The following WDHD1 variants were observed in gnomAD, a reference collection of about 807,000 sequenced individuals.
WDHD1 encodes the protein WD repeat and HMG-box DNA-binding protein 1.
Under a neutral mutation model 135.4 loss-of-function variants are expected in WDHD1, and 111 were observed. The observed-to-expected ratio is 0.82, with a 90% CI of 0.70 to 0.96. The LOEUF (loss-of-function observed/expected upper bound fraction) is 0.96. WDHD1 is among the 40% of genes least tolerant of loss of function. WDHD1 has a pLI of 0.00. For synonymous variants in WDHD1, 434 were observed against 439.0 expected (o/e 0.99, Z 0.14); for missense variants, 1,351 against 1,336.3 (o/e 1.01, Z -0.17).
In WDHD1 at chr14:54,969,102, G is replaced by A. The variant is rs930662866; in HGVS notation, c.2064-1708C>T. 6.6e-5 allele frequency among the ~76,000 whole-genome samples: 10 copies of A among 152,126 alleles called. No homozygotes were observed. In the South Asian group the frequency reaches 1.0e-3, roughly 16 times the overall value. On this transcript the variant is annotated intron_variant, in intron 16 of 25. Coordinates refer to ENST00000360586, the MANE Select transcript of WDHD1 (RefSeq NM_007086.4). ...TGCCCAGGCTGGAGTGCAGTGGCAC[G>A]ATCTCGGCTCACTGCAAGCTCCGCC...
At chr14:54,985,732 T>TTTAGAATGTGTTATTA (rs2041685100) in intron 14 of WDHD1, among the ~76,000 whole-genome samples, 1 of 152,160 alleles carries the variant, frequency 6.6e-6, no homozygotes, top group Non-Finnish European at 1.5e-5. Context: ...AGAGATGACA[T>TTTAGAATGTGTTATTA]CCAGGTTGTA....
At chr14:54,957,277 T>A in intron 22 of WDHD1, 73 bp from the exon 23 acceptor site, 3 of 1,494,464 alleles carry the variant, frequency 2.0e-6, no homozygotes, top group Non-Finnish European at 2.7e-6. Flanking sequence ...TTATTTTTTC[T>A]TGAAATTTCT....
At chr14:54,991,644 C>G (rs1159408618) in intron 11 of WDHD1, among the ~76,000 whole-genome samples, 2 of 152,140 alleles carry the variant, frequency 1.3e-5, no homozygotes, top group Non-Finnish European at 1.5e-5. Flanking sequence ...GCATTGTTAA[C>G]CACTACTCAC....
rs192030185 is a variant in WDHD1, at chr14:54,964,373, G to C, written c.2311-1201C>G. On this transcript the variant is annotated intron_variant, in intron 18 of 25. Coordinates refer to ENST00000360586, the MANE Select transcript of WDHD1 (RefSeq NM_007086.4). ...AATAAAAAGGAAGCCGGGCGCAGTGGCTCACACCTGTAATCCTAGCACTTT... is the reference window on the plus strand; with the variant it reads ...AATAAAAAGGAAGCCGGGCGCAGTGCCTCACACCTGTAATCCTAGCACTTT... Among the ~76,000 whole-genome samples the C allele has an allele frequency of 1.8e-4, 27 of 152,240 alleles. No homozygotes were observed. The East Asian group carries it at 4.8e-3, about 27-fold the overall frequency.
chr14:54,955,300 AAATT>A lies in WDHD1; in HGVS notation c.3050+257_3050+260del, dbSNP rs377432428. The stretch of plus-strand genomic sequence containing the variant: ...ATTAAACTATTTAAAAACAAACAAA[AAATT>A]AATTACAAAATATAATGTCCCAATA... On this transcript the variant is annotated intron_variant, in intron 24 of 25. Transcript: ENST00000360586. Among the ~76,000 whole-genome samples the A allele has an allele frequency of 1.8e-4, 27 of 152,304 alleles. No homozygotes were observed. In the East Asian group the frequency reaches 1.9e-3, roughly 11 times the overall value.
intron 21 of WDHD1, among the ~76,000 whole-genome samples, chr14:54,958,776 T>G (rs79377719): frequency 0.02 from 3,030 of 152,320 alleles, 70 homozygotes; most frequent in African/African-American, 0.06. Context: ...TGCTCAAATG[T>G]TGGAGATTCC....
At chr14:54,945,210 G>GCAT (rs1334051344) in intron 24 of WDHD1, among the ~76,000 whole-genome samples, 1 of 152,070 alleles carries the variant, frequency 6.6e-6, no homozygotes, top group East Asian at 1.9e-4. Flanking sequence ...GAGCTGACCT[G>GCAT]CATCAGCATT....
chr14:54,981,530 A>T lies in WDHD1; in HGVS notation c.2063+10T>A. On this transcript the variant is annotated intron_variant, in intron 16 of 25. Coordinates refer to ENST00000360586, the MANE Select transcript of WDHD1 (RefSeq NM_007086.4). ...AAAGAGTCAACTTTAGACTTCTTTT[A>T]ATAGCCCACCTTAGTTGCTGGGGAT... is the stretch of plus-strand genomic sequence containing the variant. 6.2e-7 allele frequency: 1 copy of T among 1,608,462 alleles called. No individual in the cohort carries two copies. The highest frequency in any genetic ancestry group is 8.5e-7 in the Non-Finnish European group (1 of 1,178,336).
intron 10 of WDHD1, among the ~76,000 whole-genome samples, chr14:54,999,548 T>C (rs1353216482): frequency 6.6e-6 from 1 of 152,318 alleles, no homozygotes. Flanking sequence ...ATTCAACTTT[T>C]TGAGAAGCTG....
intron 25 of WDHD1, among the ~76,000 whole-genome samples, 153 bp downstream of exon 25, chr14:54,944,179 C>G (rs1004641957): frequency 6.6e-6 from 1 of 151,754 alleles, no homozygotes; most frequent in Non-Finnish European, 1.5e-5. Context: ...CCAGGCTGGT[C>G]ACGAACTCCT....
intron 4 of WDHD1, 46 bp from the exon 5 acceptor site, chr14:55,008,765 G>C (rs771277764): frequency 1.5e-6 from 2 of 1,335,234 alleles, no homozygotes; most frequent in Non-Finnish European, 2.1e-6. Context: ...CTAACACAAA[G>C]GCCTCTCCTA....
chr14:55,004,361 G>C (rs950287195), intron 7 of WDHD1, among the ~76,000 whole-genome samples: 1 of 151,994 alleles, frequency 6.6e-6, no homozygotes, highest in Admixed American at 6.6e-5. Flanking sequence ...ATAACTTTAT[G>C]TTTTATTATC....
Position 54,989,087 on chromosome 14 carries a change from T to C in WDHD1, c.1467A>G (p.Ile489Met), listed in dbSNP as rs761142283. The C allele has an allele frequency of 1.9e-6, 3 of 1,613,824 alleles. No individual in the cohort carries two copies. Among genetic ancestry groups the C allele is most frequent in the Non-Finnish European group, 1.7e-6 (2 of 1,179,828 alleles). The change falls in exon 13 of 26, where the codon ATA (isoleucine) becomes ATG (methionine). Residue 489 changes from isoleucine to methionine, a missense_variant. Coordinates refer to ENST00000360586, the MANE Select transcript of WDHD1 (RefSeq NM_007086.4). ...AAATAGCTTCGTGGGAAAGATCTGC[T>C]ATTGTATAATTCAAAGTGTTTGATA... ...THLSNTLNYTIADLSHEAILL... is the reference protein window; with the variant it reads ...THLSNTLNYTMADLSHEAILL...
At chr14:54,969,173 A>G (rs991058788) in intron 16 of WDHD1, among the ~76,000 whole-genome samples, 1 of 151,964 alleles carries the variant, frequency 6.6e-6, no homozygotes, top group Non-Finnish European at 1.5e-5. Flanking sequence ...CAAGTAGCTG[A>G]GACTACAGGT....
Position 54,982,597 on chromosome 14 carries a change from C to T in WDHD1, c.1907-901G>A, listed in dbSNP as rs548020061. Among the ~76,000 whole-genome samples the T allele has an allele frequency of 1.6e-4, 25 of 152,248 alleles. No homozygotes were observed. In the East Asian group the frequency reaches 4.6e-3, roughly 28 times the overall value. ...GGCAAATTACCTGATTATCCCTTTT[C>T]TTATCTGTGGCTTCACACCCCCCTC... On this transcript the variant is annotated intron_variant, in intron 15 of 25. Coordinates refer to ENST00000360586, the MANE Select transcript of WDHD1 (RefSeq NM_007086.4).
Position 54,972,570 on chromosome 14 carries a change from AAAAAAAAAAAAAAAAAAAAAT to A in WDHD1, c.2064-5197_2064-5177del, listed in dbSNP as rs1442366703. 4.9e-3 allele frequency among the ~76,000 whole-genome samples: 673 copies of A among 137,758 alleles called. 26 individuals are homozygous for A. The highest frequency in any genetic ancestry group is 0.018 in the African/African-American group (629 of 34,576). The allele number at this position is 137,758 out of a possible 152,430, so 90.4% of individuals were successfully genotyped here. A position where few individuals can be genotyped will look rare whatever the true frequency, so the allele number is the denominator to read the frequency against. Reference sequence around the variant, plus strand: ...GACTGTCACAAAAAAAAAAAAAAAAAAAAAAAAAAAAAAAAAAAAATGCCAATGAGGCATATTCACTTTCAT... The same window carrying A: ...GACTGTCACAAAAAAAAAAAAAAAAAGCCAATGAGGCATATTCACTTTCAT... On this transcript the variant is annotated intron_variant, in intron 16 of 25. Transcript: ENST00000360586.
In WDHD1 at chr14:55,000,873, C is replaced by T. The variant is rs755014451; in HGVS notation, c.800+13G>A. 1 of 1,510,382 alleles carries T rather than the reference C, an allele frequency of 6.6e-7. No individual in the cohort carries two copies. The highest frequency in any genetic ancestry group is 8.9e-7 in the Non-Finnish European group (1 of 1,124,982). 93.6% of individuals were successfully genotyped at this position (1,510,382 alleles called of 1,614,324 possible). On this transcript the variant is annotated intron_variant, in intron 9 of 25. Transcript: ENST00000360586. ...ATGAGCAAAGAAGAGACAAAAGATA[C>T]ACTAAATCATACCTTTCCATGCAGT...
chr14:55,022,070 T>C (rs1171205781), intron 2 of WDHD1, among the ~76,000 whole-genome samples: 3 of 152,172 alleles, frequency 2.0e-5, no homozygotes, highest in Non-Finnish European at 2.9e-5. Context: ...TGGGGGCAAG[T>C]ATACCAGTTT....
intron 16 of WDHD1, among the ~76,000 whole-genome samples, chr14:54,970,490 T>G (rs562727392): frequency 6.6e-6 from 1 of 152,126 alleles, no homozygotes; most frequent in East Asian, 1.9e-4. Context: ...TACAAAACAC[T>G]GTTGAAAGAA....
Sources: allele counts gnomAD v4.1 joint callset (sites outside exome capture counted in the v4.1 genomes callset), GRCh38; gene constraint gnomAD v4.1.1; transcripts MANE v1.5; gene names NCBI Gene and HGNC (gene_info 2026-07-23, HGNC 2026-07-21).